Variants in STAG2 observed in about 807,000 individuals in gnomAD.
The protein encoded by STAG2 is cohesin subunit SA-2.
STAG2 carries 14 observed loss-of-function variants against 108.1 expected under a neutral mutation model. The observed-to-expected ratio is 0.13, with a 90% CI of 0.09 to 0.20. The LOEUF is 0.20. Ranked by LOEUF, STAG2 falls within the 10% of genes least tolerant of loss-of-function variation. STAG2 has a pLI of 1.00. For missense variants in STAG2, 440 were observed against 940.9 expected (o/e 0.47, Z 6.96); for synonymous variants, 307 against 302.7 (o/e 1.01, Z -0.15).
rs1345781478 is a variant in STAG2, at chrX:124,022,532, A to C, written c.-96A>C. 9.1e-6 allele frequency: 6 copies of C among 661,546 alleles called. No homozygotes were observed. In the East Asian group the frequency reaches 2.2e-4, roughly 24 times the overall value. The allele number at this position is 661,546 out of a possible 1,213,427, so 54.5% of individuals were successfully genotyped here. Reference sequence around the variant, plus strand: ...AATGTCATTTTCTCCTTTTTAAAGGAATTGTCTTAGAAGAAAGAAGGCAAG... The same window carrying C: ...AATGTCATTTTCTCCTTTTTAAAGGCATTGTCTTAGAAGAAAGAAGGCAAG... On this transcript the variant is annotated splice_region_variant and 5_prime_UTR_variant, in exon 3 of 35. Transcript: ENST00000371145.
At chrX:124,058,864 G>A (rs778422996) in intron 15 of STAG2, among the ~76,000 whole-genome samples, 1 of 111,763 alleles carries the variant, frequency 8.9e-6, no homozygotes, top group Admixed American at 9.5e-5. Context: ...TAATTTTCTA[G>A]TTATTTCTAT....
rs778019908 is a variant in STAG2, at chrX:123,984,790, A to G, written c.-163+22934A>G. On this transcript the variant is annotated intron_variant, in intron 1 of 34. Transcript: ENST00000371145. ...GTAGTTGGGCCCACAGGCACACGCC[A>G]CCACACCTGGTTCATTTTTTGTATT... is the stretch of plus-strand genomic sequence containing the variant. Among the ~76,000 whole-genome samples, 4 of 110,134 alleles carry G rather than the reference A, an allele frequency of 3.6e-5. No homozygotes were observed. In the South Asian group the frequency reaches 1.2e-3, roughly 32 times the overall value.
At position 124,077,198 on chromosome X, in the gene STAG2, T is replaced by TGTA. The variant is rs779971361; in HGVS notation, c.2673+727_2673+728insGTA. The stretch of plus-strand genomic sequence containing the variant: ...GAATATTTTGCTACTTGAACTCTAA[T>TGTA]ATCATTGAAAATTATTTTGGAACTT... On this transcript the variant is annotated intron_variant, in intron 26 of 34. Coordinates refer to ENST00000371145, the MANE Select transcript of STAG2 (RefSeq NM_001042750.2). Among the ~76,000 whole-genome samples, 3 of 111,396 alleles carry TGTA rather than the reference T, an allele frequency of 2.7e-5. No individual in the cohort carries two copies. In the South Asian group the frequency reaches 1.1e-3, roughly 41 times the overall value.
intron 25 of STAG2, among the ~76,000 whole-genome samples, chrX:124,075,907 T>A (rs1010990789): frequency 9.0e-5 from 10 of 111,443 alleles, no homozygotes; most frequent in African/African-American, 3.3e-4. Context: ...AAAGGAGGAC[T>A]GTTATAGCCA....
upstream of STAG2, chrX:123,960,893 G>C (rs2053818249): frequency 8.9e-6 from 1 of 111,846 alleles, no homozygotes; most frequent in Non-Finnish European, 1.9e-5. Context: ...CGGAGGCGAA[G>C]CTTCTAGAAG....
intron 1 of STAG2, among the ~76,000 whole-genome samples, chrX:123,987,572 A>C (rs2055257906): frequency 8.9e-6 from 1 of 112,022 alleles, no homozygotes; most frequent in African/African-American, 3.2e-5. Context: ...TAGCGACGAT[A>C]TCTCCCTGTG....
intron 20 of STAG2, 73 bp from the exon 21 acceptor site, chrX:124,065,803 A>G: frequency 2.8e-6 from 2 of 712,630 alleles, no homozygotes; most frequent in Non-Finnish European, 4.0e-6. Context: ...TCATTTTTCA[A>G]GGTAATAGTG....
At position 124,100,555 on chromosome X, in the gene STAG2, CCT is replaced by C. The variant is rs752096694; in HGVS notation, c.3784-7_3784-6del. The C allele has an allele frequency of 1.7e-4, 192 of 1,158,075 alleles. No homozygotes were observed. The highest frequency in any genetic ancestry group is 6.5e-4 in the South Asian group (35 of 53,611). On this transcript the variant is annotated splice_polypyrimidine_tract_variant and intron_variant, in intron 34 of 34. Coordinates refer to ENST00000371145, the MANE Select transcript of STAG2 (RefSeq NM_001042750.2). ...AATGACTTTTAACGAGATTTTCTCC[CCT>C]CTCTCTCTCTCATTAGGTTCTTGGA...
At chrX:124,079,147 CT>C (rs1327773245) in intron 27 of STAG2, among the ~76,000 whole-genome samples, 4 of 101,609 alleles carry the variant, frequency 3.9e-5, no homozygotes, top group Middle Eastern at 5.2e-3. Flanking sequence ...TTTTTTTTTC[CT>C]TTTCTTTTGA....
intron 1 of STAG2, among the ~76,000 whole-genome samples, chrX:123,980,834 CCT>C (rs2054840003): frequency 8.9e-6 from 1 of 112,055 alleles, no homozygotes; most frequent in Non-Finnish European, 1.9e-5. Flanking sequence ...AATTTGATGT[CCT>C]CTTCAAAATA....
At chrX:124,076,302 G>T (rs760970917) in intron 25 of STAG2, 30 bp from the exon 26 acceptor site, 2 of 1,190,825 alleles carry the variant, frequency 1.7e-6, no homozygotes, top group Middle Eastern at 2.3e-4. Context: ...TAAAATACAA[G>T]ATGCTTAATG....
chrX:124,056,398 A>G (rs1302503114), intron 14 of STAG2, among the ~76,000 whole-genome samples, 163 bp downstream of exon 14: 1 of 111,013 alleles, frequency 9.0e-6, no homozygotes, highest in Admixed American at 9.6e-5. Context: ...AAAAGTTTAG[A>G]TTTCTCCTAA....
chrX:124,066,474 TATC>T, intron 23 of STAG2, 38 bp downstream of exon 23: 2 of 991,332 alleles, frequency 2.0e-6, no homozygotes, highest in African/African-American at 1.9e-5. Flanking sequence ...TTAGACTAAA[TATC>T]ATTAACTGTT....
intron 6 of STAG2, among the ~76,000 whole-genome samples, chrX:124,041,422 GGC>G (rs1387985315): frequency 9.2e-6 from 1 of 109,199 alleles, no homozygotes; most frequent in Non-Finnish European, 1.9e-5. Flanking sequence ...TATATACACA[GGC>G]GCGCGCACAC....
At chrX:123,994,587 G>A (rs2055635634) in intron 1 of STAG2, among the ~76,000 whole-genome samples, 1 of 112,146 alleles carries the variant, frequency 8.9e-6, no homozygotes, top group Admixed American at 9.5e-5. Flanking sequence ...ATTGAATGAA[G>A]AGTAAGATAT....
rs192645401 is a variant in STAG2 at position 124,025,268 on chromosome X, A to G, written c.45-572A>G. On this transcript the variant is annotated intron_variant, in intron 3 of 34. Coordinates refer to ENST00000371145, the MANE Select transcript of STAG2 (RefSeq NM_001042750.2). ...TCATCACCTCTTTACTTCATAAAGG[A>G]TATTGATCACTTAGCATAATTCCCT... is the stretch of plus-strand genomic sequence containing the variant. Among the ~76,000 whole-genome samples the G allele has an allele frequency of 2.8e-3, 315 of 112,094 alleles. 1 individual carries two copies. Among genetic ancestry groups the G allele is most frequent in the Admixed American group, 3.6e-3 (38 of 10,497 alleles).
intron 24 of STAG2, among the ~76,000 whole-genome samples, chrX:124,070,780 G>C (rs963556898): frequency 3.6e-5 from 4 of 111,079 alleles, no homozygotes; most frequent in African/African-American, 1.3e-4. Flanking sequence ...GAATACCTTG[G>C]GGCATTGCAA....
chrX:124,083,933 A>G (rs766406779), intron 29 of STAG2, among the ~76,000 whole-genome samples: 21 of 111,361 alleles, frequency 1.9e-4, no homozygotes, highest in Non-Finnish European at 3.6e-4. Context: ...TTTTTGTGTT[A>G]TTATCTGCAT....
intron 5 of STAG2, among the ~76,000 whole-genome samples, chrX:124,036,994 T>C (rs1041387680): frequency 9.0e-6 from 1 of 110,730 alleles, no homozygotes; most frequent in Non-Finnish European, 1.9e-5. Flanking sequence ...CAAGTGATAC[T>C]CCTGCCTCAG....
Sources: allele counts gnomAD v4.1 joint callset (sites outside exome capture counted in the v4.1 genomes callset), GRCh38; gene constraint gnomAD v4.1.1; transcripts MANE v1.5; gene names NCBI Gene and HGNC (gene_info 2026-07-23, HGNC 2026-07-21).